Variants in CELF5 observed in about 807,000 individuals in gnomAD.
CELF5 encodes the protein CUGBP Elav-like family member 5.
Under a neutral mutation model 54.9 loss-of-function variants are expected in CELF5, and 6 were observed. The observed-to-expected ratio is 0.11, with a 90% confidence interval of 0.06 to 0.22. The LOEUF is 0.22. Ranked by LOEUF, CELF5 falls within the 10% of genes least tolerant of loss-of-function variation. The probability of loss-of-function intolerance (pLI) is 1.00; values close to 1 mark genes in which losing one functional copy is unlikely to be tolerated. For synonymous variants in CELF5, 271 were observed against 290.9 expected, an observed-to-expected ratio of 0.93 and a Z score of 0.70; for missense variants, 401 against 678.6, an observed-to-expected ratio of 0.59 and a Z score of 4.54.
In CELF5 at chr19:3,266,795, G is replaced by A. The variant is rs926387625; in HGVS notation, c.343-7077G>A. ...AGTGAGAATGGGAGGCTGGTGAGGGGCGGATGGGGGCTGCTGGGGAGGAAG... is the reference window on the plus strand; with the variant it reads ...AGTGAGAATGGGAGGCTGGTGAGGGACGGATGGGGGCTGCTGGGGAGGAAG... On this transcript the variant is annotated intron_variant, in intron 2 of 12. Transcript: ENST00000292672. 3.3e-5 allele frequency among the ~76,000 whole-genome samples: 5 copies of A among 151,798 alleles called. No homozygotes were observed. The South Asian group carries it at 1.0e-3, about 31-fold the overall frequency.
chr19:3,255,668 T>C (rs1324495109), intron 2 of CELF5, among the ~76,000 whole-genome samples: 2 of 152,160 alleles, frequency 1.3e-5, no homozygotes, highest in Non-Finnish European at 2.9e-5. Flanking sequence ...TCTCCCAAGC[T>C]GTGTAATCTT....
At position 3,281,397 on chromosome 19, in the gene CELF5, C is replaced by T; in HGVS notation, c.750+52C>T. The T allele has an allele frequency of 1.3e-6, 2 of 1,558,870 alleles. No individual in the cohort carries two copies. Among genetic ancestry groups the T allele is most frequent in the Non-Finnish European group, 1.7e-6 (2 of 1,148,944 alleles). ...GCTCCGGCTCCGTCTCTCTCAGTCT[C>T]TGTCTACTCTCTGTCGGGCTCCTGC... On this transcript the variant is annotated intron_variant, in intron 6 of 12. Transcript: ENST00000292672. The surrounding 1 kb of genome is among the most constrained non-coding windows in gnomAD (Gnocchi z 6.5).
At chr19:3,279,042 T>C (rs923283685) in intron 5 of CELF5, among the ~76,000 whole-genome samples, 6 of 152,114 alleles carry the variant, frequency 3.9e-5, no homozygotes, top group Admixed American at 2.0e-4. Context: ...GTTGCAAATA[T>C]CCCTTTGGGG....
chr19:3,283,050 C>T lies in CELF5; in HGVS notation c.1039+552C>T, dbSNP rs980250698. On this transcript the variant is annotated intron_variant, in intron 8 of 12. Transcript: ENST00000292672. ...TTCACCATGTTGGCCAGGCTGGTCT[C>T]GAACTCCTGACCTCAGGTGATTCAC... is the stretch of plus-strand genomic sequence containing the variant. Among the ~76,000 whole-genome samples the T allele has an allele frequency of 5.3e-5, 8 of 152,196 alleles. No homozygotes were observed. The South Asian group carries it at 8.3e-4, about 16-fold the overall frequency.
intron 1 of CELF5, among the ~76,000 whole-genome samples, chr19:3,244,263 T>C (rs1014615342): frequency 6.6e-6 from 1 of 151,994 alleles, no homozygotes; most frequent in Non-Finnish European, 1.5e-5. Flanking sequence ...TGCATGGGCC[T>C]GTGCGTGCGA....
At chr19:3,250,938 T>C (rs776954140) in intron 1 of CELF5, 47 bp from the exon 2 acceptor site, 2 of 1,418,570 alleles carry the variant, frequency 1.4e-6, no homozygotes, top group South Asian at 2.3e-5. Flanking sequence ...GCTGTGACCA[T>C]GGGTGTGCCC....
intron 1 of CELF5, among the ~76,000 whole-genome samples, chr19:3,237,934 A>C (rs1287270235): frequency 6.6e-6 from 1 of 152,106 alleles, no homozygotes; most frequent in Non-Finnish European, 1.5e-5. Context: ...CTATAGTCCC[A>C]GCTACTCGGG....
chr19:3,273,952 G>A, intron 3 of CELF5, 29 bp downstream of exon 3: 1 of 1,606,648 alleles, frequency 6.2e-7, no homozygotes, highest in Non-Finnish European at 8.5e-7. Flanking sequence ...CTGCCAGGCT[G>A]GGGGTTGGCG....
intron 1 of CELF5, among the ~76,000 whole-genome samples, chr19:3,227,104 C>T (rs312058): frequency 0.4 from 60,381 of 151,866 alleles, 12,531 homozygotes; most frequent in East Asian, 0.69. Flanking sequence ...CACCTCGTGT[C>T]GAAAATGGGT....
intron 2 of CELF5, among the ~76,000 whole-genome samples, chr19:3,255,697 T>G (rs1599423481): frequency 6.6e-6 from 1 of 152,130 alleles, no homozygotes; most frequent in Non-Finnish European, 1.5e-5. Context: ...ATCTTTCCCC[T>G]CAAACCTCAG....
At chr19:3,279,084 A>G (rs904581389) in intron 5 of CELF5, among the ~76,000 whole-genome samples, 1 of 152,192 alleles carries the variant, frequency 6.6e-6, no homozygotes, top group Admixed American at 6.5e-5. Context: ...GTGCAAGACT[A>G]GAGGCTGGGA....
chr19:3,292,352 C>T (rs185431010), intron 11 of CELF5, among the ~76,000 whole-genome samples: 348 of 150,398 alleles, frequency 2.3e-3, no homozygotes, highest in Non-Finnish European at 3.6e-3. Context: ...AGTGCGATCT[C>T]GGCTCACTGC....
chr19:3,290,766 CA>C (rs1207248522), intron 11 of CELF5, among the ~76,000 whole-genome samples: 5 of 149,714 alleles, frequency 3.3e-5, no homozygotes, highest in Non-Finnish European at 5.9e-5. Context: ...CGGGGTTTCA[CA>C]GTGTTAGCCA....
chr19:3,261,414 T>C (rs897254451), intron 2 of CELF5, among the ~76,000 whole-genome samples: 4 of 147,680 alleles, frequency 2.7e-5, no homozygotes, highest in African/African-American at 1.0e-4. Context: ...CAAGACTCCA[T>C]CTCAGAAAAA....
At chr19:3,296,434 G>GAAAAAAAAAAAAAAAAAAAAA (rs5826810) in intron 12 of CELF5, 10 of 54,872 alleles carry the variant, frequency 1.8e-4, no homozygotes, top group African/African-American at 4.2e-4. Context: ...AAACCACACA[G>GAAAAAAAAAAAAAAAAAAAAA]AAAAAAAAAA....
intron 9 of CELF5, among the ~76,000 whole-genome samples, chr19:3,285,528 A>C (rs1311421945): frequency 2.5e-5 from 2 of 79,576 alleles, no homozygotes; most frequent in Admixed American, 1.5e-4. Flanking sequence ...CCTTCATCCC[A>C]GTCTTGCCCC....
intron 2 of CELF5, among the ~76,000 whole-genome samples, chr19:3,254,315 A>T (rs2049544218): frequency 6.6e-6 from 1 of 151,356 alleles, no homozygotes. Context: ...ATGTGTCTAC[A>T]TGCCTGCCTA....
intron 2 of CELF5, among the ~76,000 whole-genome samples, chr19:3,270,259 T>A (rs1241551488): frequency 2.0e-5 from 3 of 151,706 alleles, no homozygotes; most frequent in Non-Finnish European, 2.9e-5. Context: ...AACCAGAGAG[T>A]CATGGGGCAC....
Position 3,268,979 on chromosome 19 carries a change from C to T in CELF5, c.343-4893C>T, listed in dbSNP as rs925723129. 6.6e-6 allele frequency among the ~76,000 whole-genome samples: 1 copy of T among 152,084 alleles called. No homozygotes were observed. ...CAAATGCCAGGATCAAGGGCTGAGCCTCTACCCAGAGAGCAATAGGGAGCC... is the reference window on the plus strand; with the variant it reads ...CAAATGCCAGGATCAAGGGCTGAGCTTCTACCCAGAGAGCAATAGGGAGCC... On this transcript the variant is annotated intron_variant, in intron 2 of 12. Transcript: ENST00000292672. The surrounding 1 kb of genome is among the most constrained non-coding windows in gnomAD (Gnocchi z 4.4).
Sources: allele counts gnomAD v4.1 joint callset (sites outside exome capture counted in the v4.1 genomes callset), GRCh38; gene constraint gnomAD v4.1.1; non-coding constraint Gnocchi (gnomAD v3.1); transcripts MANE v1.5; gene names NCBI Gene and HGNC (gene_info 2026-07-23, HGNC 2026-07-21).